Variants in CDH18 observed in about 807,000 individuals in gnomAD.
CDH18 encodes the protein cadherin-18.
Under a neutral mutation model 67.9 loss-of-function variants are expected in CDH18, and 31 were observed. That is an observed-to-expected ratio of 0.46 (90% CI 0.34 to 0.62). The LOEUF (loss-of-function observed/expected upper bound fraction) is 0.62, where lower values mean the gene tolerates loss of function less well. CDH18 is among the 20% of genes least tolerant of loss of function. CDH18 has a pLI of 0.01. For missense variants in CDH18, 890 were observed against 975.5 expected (o/e 0.91, Z 1.17); for synonymous variants, 362 against 347.2 (o/e 1.04, Z -0.48).
intron 1 of CDH18, among the ~76,000 whole-genome samples, chr5:20,537,008 T>C (rs1416119578): frequency 6.6e-6 from 1 of 152,028 alleles, no homozygotes; most frequent in Non-Finnish European, 1.5e-5. Flanking sequence ...TGTGGGAGGG[T>C]GGACTTGTGT....
intron 1 of CDH18, among the ~76,000 whole-genome samples, chr5:20,529,108 A>G (rs1415069044): frequency 6.6e-6 from 1 of 152,104 alleles, no homozygotes; most frequent in Non-Finnish European, 1.5e-5. Flanking sequence ...AGAGAATACA[A>G]TAAACACCTC....
At chr5:20,329,663 G>A (rs569710451) in intron 1 of CDH18, among the ~76,000 whole-genome samples, 12 of 151,370 alleles carry the variant, frequency 7.9e-5, no homozygotes, top group Non-Finnish European at 1.8e-4. Flanking sequence ...CCAGCTACTT[G>A]GGAGGCTGAG....
intron 1 of CDH18, among the ~76,000 whole-genome samples, chr5:20,400,777 G>C (rs184512423): frequency 2.0e-5 from 3 of 152,060 alleles, no homozygotes; most frequent in Non-Finnish European, 2.9e-5. Flanking sequence ...CAAAAGCCAA[G>C]TAATCAAACA....
At chr5:20,307,177 G>GT (rs1305008873) in intron 1 of CDH18, among the ~76,000 whole-genome samples, 1 of 152,168 alleles carries the variant, frequency 6.6e-6, no homozygotes, top group Non-Finnish European at 1.5e-5. Context: ...AGCCAGTGTG[G>GT]TTGCAGAGCA....
At chr5:19,860,645 A>G (rs1363150004) in intron 2 of CDH18, among the ~76,000 whole-genome samples, 1 of 151,910 alleles carries the variant, frequency 6.6e-6, no homozygotes, top group Non-Finnish European at 1.5e-5. Context: ...TTTTTCAAAG[A>G]CTTAGACCAA....
chr5:19,966,771 AATAG>A (rs1312563890), intron 2 of CDH18, among the ~76,000 whole-genome samples: 2 of 152,062 alleles, frequency 1.3e-5, no homozygotes, highest in South Asian at 2.1e-4. Context: ...ATAATGAAGA[AATAG>A]ATAAAGAATT....
At chr5:19,926,902 G>A (rs1249834992) in intron 2 of CDH18, among the ~76,000 whole-genome samples, 1 of 152,018 alleles carries the variant, frequency 6.6e-6, no homozygotes. Context: ...GAAAAGGTTT[G>A]CATAAGGGTA....
intron 1 of CDH18, among the ~76,000 whole-genome samples, chr5:20,544,664 A>G (rs1757239793): frequency 6.6e-6 from 1 of 152,112 alleles, no homozygotes; most frequent in Admixed American, 6.6e-5. Flanking sequence ...CATGGGGGAA[A>G]CCACTCCCAT....
At chr5:20,452,545 G>C (rs1428711129) in intron 1 of CDH18, among the ~76,000 whole-genome samples, 4 of 152,064 alleles carry the variant, frequency 2.6e-5, no homozygotes, top group African/African-American at 9.7e-5. Flanking sequence ...TTATAAGTAA[G>C]AGCTAAATAA....
At chr5:19,615,216 C>T (rs1422944274) in intron 5 of CDH18, among the ~76,000 whole-genome samples, 3 of 151,878 alleles carry the variant, frequency 2.0e-5, no homozygotes, top group South Asian at 2.1e-4. Context: ...TAGCTATGAC[C>T]CCTCCTAGAG....
chr5:20,184,080 G>A (rs1206335441), intron 2 of CDH18, among the ~76,000 whole-genome samples: 2 of 152,012 alleles, frequency 1.3e-5, no homozygotes, highest in East Asian at 1.9e-4. Flanking sequence ...CACTGAAATA[G>A]TGTAATGCTA....
chr5:20,514,821 T>G (rs1244163741), intron 1 of CDH18, among the ~76,000 whole-genome samples: 2 of 152,176 alleles, frequency 1.3e-5, no homozygotes, highest in African/African-American at 4.8e-5. Context: ...TGTTTTCAGA[T>G]GTCTTATTCA....
At chr5:20,085,121 G>A (rs1470859881) in intron 2 of CDH18, among the ~76,000 whole-genome samples, 2 of 152,084 alleles carry the variant, frequency 1.3e-5, no homozygotes, top group Admixed American at 6.6e-5. Context: ...AAAACTGAAT[G>A]CTGTTAACAG....
At position 19,849,911 on chromosome 5, in the gene CDH18, A is replaced by T. The variant is rs572281824; in HGVS notation, c.-256-10669T>A. On this transcript the variant is annotated intron_variant, in intron 2 of 12. Coordinates refer to ENST00000382275, the MANE Select transcript of CDH18 (RefSeq NM_004934.5). ...GACCATTTTTGAGTTGAAGATACTA[A>T]GATATAGCATTGAAGTCATTTGTCT... Among the ~76,000 whole-genome samples, 104 of 151,748 alleles carry T rather than the reference A, an allele frequency of 6.9e-4. 1 individual carries two copies. Among genetic ancestry groups the T allele is most frequent in the Non-Finnish European group, 9.7e-4 (66 of 67,824 alleles).
At chr5:19,799,509 T>C (rs1777222967) in intron 3 of CDH18, among the ~76,000 whole-genome samples, 1 of 151,904 alleles carries the variant, frequency 6.6e-6, no homozygotes, top group South Asian at 2.1e-4. Flanking sequence ...GTGATGAATG[T>C]GTTTAGTAAC....
chr5:19,937,852 C>T (rs1794438780), intron 2 of CDH18, among the ~76,000 whole-genome samples: 1 of 150,362 alleles, frequency 6.7e-6, no homozygotes, highest in South Asian at 2.1e-4. Context: ...GGCTAGACTG[C>T]CTTTATTGGT....
intron 1 of CDH18, among the ~76,000 whole-genome samples, chr5:20,405,640 G>A (rs1580923284): frequency 2.0e-5 from 3 of 152,192 alleles, no homozygotes; most frequent in South Asian, 4.2e-4. Context: ...TACCATCAGA[G>A]TGAACAGGCA....
chr5:20,218,775 C>G (rs577494800), intron 2 of CDH18, among the ~76,000 whole-genome samples: 13 of 151,964 alleles, frequency 8.6e-5, no homozygotes, highest in Non-Finnish European at 1.5e-4. Context: ...CGCCATGATT[C>G]TGAGGCCTCC....
intron 1 of CDH18, among the ~76,000 whole-genome samples, chr5:20,333,519 C>CT (rs1561980178): frequency 2.5e-4 from 25 of 99,028 alleles, no homozygotes; most frequent in East Asian, 7.1e-4. Context: ...AAAAAAAAAA[C>CT]AATATATATA....
Sources: allele counts gnomAD v4.1 joint callset (sites outside exome capture counted in the v4.1 genomes callset), GRCh38; gene constraint gnomAD v4.1.1; transcripts MANE v1.5; gene names NCBI Gene and HGNC (gene_info 2026-07-23, HGNC 2026-07-21).